Variants in SYNDIG1 observed in about 807,000 individuals in gnomAD.
SYNDIG1 encodes the protein synapse differentiation inducing 1.
SYNDIG1 carries 9 observed loss-of-function variants against 19.4 expected under a neutral mutation model. The ratio of observed to expected loss-of-function variants is 0.46; its 90% CI spans 0.28 to 0.81. SYNDIG1 has a LOEUF of 0.81. SYNDIG1 is among the 30% of genes least tolerant of loss of function. The pLI, the probability that SYNDIG1 is intolerant of heterozygous loss-of-function variation, is 0.12. For missense variants in SYNDIG1, 311 were observed against 343.3 expected (o/e 0.91, Z 0.74); for synonymous variants, 141 against 145.9 (o/e 0.97, Z 0.24).
At chr20:24,578,198 T>C (rs2058260796) in intron 2 of SYNDIG1, among the ~76,000 whole-genome samples, 1 of 152,070 alleles carries the variant, frequency 6.6e-6, no homozygotes, top group African/African-American at 2.4e-5. Context: ...ATGCCAGCAC[T>C]TTGGGAGACC....
At chr20:24,650,623 T>C (rs2059461408) in intron 3 of SYNDIG1, among the ~76,000 whole-genome samples, 1 of 152,234 alleles carries the variant, frequency 6.6e-6, no homozygotes, top group Non-Finnish European at 1.5e-5. Context: ...GGTCTCAGAA[T>C]TCAGAGCACC....
intron 1 of SYNDIG1, among the ~76,000 whole-genome samples, chr20:24,516,302 C>G (rs1456240145): frequency 6.6e-6 from 1 of 152,170 alleles, no homozygotes; most frequent in Non-Finnish European, 1.5e-5. Flanking sequence ...ACACCAAAAG[C>G]AATGGCAACA....
chr20:24,499,249 T>C (rs769583233), intron 1 of SYNDIG1, among the ~76,000 whole-genome samples: 1 of 152,206 alleles, frequency 6.6e-6, no homozygotes, highest in African/African-American at 2.4e-5. Context: ...GGTCTCGAAC[T>C]CCTAACCTCA....
At chr20:24,534,492 G>A (rs934744385) in intron 1 of SYNDIG1, among the ~76,000 whole-genome samples, 1 of 152,196 alleles carries the variant, frequency 6.6e-6, no homozygotes, top group Non-Finnish European at 1.5e-5. Flanking sequence ...CCAGTGTGCT[G>A]GGCAGGGATT....
intron 2 of SYNDIG1, among the ~76,000 whole-genome samples, chr20:24,582,872 GCAGGAGGGGCGAGGC>G (rs2058353641): frequency 6.6e-6 from 1 of 152,230 alleles, no homozygotes; most frequent in Non-Finnish European, 1.5e-5. Flanking sequence ...CCTGTGCCCA[GCAGGAGGGGCGAGGC>G]CAGGAGCTGG....
chr20:24,558,092 G>C (rs1489248948), intron 2 of SYNDIG1, among the ~76,000 whole-genome samples: 2 of 152,198 alleles, frequency 1.3e-5, no homozygotes, highest in Non-Finnish European at 2.9e-5. Context: ...AAGCAATCGT[G>C]ATGAATGAGG....
At chr20:24,567,306 G>A (rs1008049626) in intron 2 of SYNDIG1, among the ~76,000 whole-genome samples, 9 of 152,046 alleles carry the variant, frequency 5.9e-5, no homozygotes, top group African/African-American at 9.7e-5. Flanking sequence ...GCTCCACATC[G>A]GTGCACACTC....
At chr20:24,653,747 G>C (rs968482550) in intron 3 of SYNDIG1, among the ~76,000 whole-genome samples, 1 of 152,168 alleles carries the variant, frequency 6.6e-6, no homozygotes, top group Non-Finnish European at 1.5e-5. Context: ...AACTCTGTCA[G>C]CTCTGGAGGC....
intron 3 of SYNDIG1, among the ~76,000 whole-genome samples, chr20:24,621,048 T>G (rs1435907700): frequency 6.6e-6 from 1 of 152,214 alleles, no homozygotes; most frequent in African/African-American, 2.4e-5. Flanking sequence ...GAATCTTCAG[T>G]GGGCAAAGTA....
At chr20:24,502,898 G>A (rs2056489506) in intron 1 of SYNDIG1, among the ~76,000 whole-genome samples, 1 of 152,230 alleles carries the variant, frequency 6.6e-6, no homozygotes, top group Non-Finnish European at 1.5e-5. Flanking sequence ...GCTGACGTGG[G>A]AGTTTTGTCT....
intron 3 of SYNDIG1, among the ~76,000 whole-genome samples, chr20:24,596,599 G>A (rs567425819): frequency 3.3e-5 from 5 of 152,144 alleles, no homozygotes; most frequent in African/African-American, 4.8e-5. Context: ...GGCTAGCCTC[G>A]AACTCCTGAC....
chr20:24,646,434 G>A (rs756008349), intron 3 of SYNDIG1, among the ~76,000 whole-genome samples: 32 of 152,092 alleles, frequency 2.1e-4, no homozygotes, highest in Admixed American at 3.9e-4. Context: ...GATGAATTCC[G>A]TCCCTTGGGT....
At chr20:24,525,451 A>T (rs1290441690) in intron 1 of SYNDIG1, among the ~76,000 whole-genome samples, 4 of 151,872 alleles carry the variant, frequency 2.6e-5, no homozygotes, top group African/African-American at 9.7e-5. Context: ...TGCCTGGCTG[A>T]TTTTTTATTT....
chr20:24,550,992 G>A (rs1402278254), intron 2 of SYNDIG1, among the ~76,000 whole-genome samples: 3 of 152,126 alleles, frequency 2.0e-5, no homozygotes, highest in African/African-American at 7.2e-5. Context: ...CATCTTTTCT[G>A]GGCTCTAGTA....
At chr20:24,659,334 G>C (rs2059561471) in intron 3 of SYNDIG1, among the ~76,000 whole-genome samples, 1 of 152,228 alleles carries the variant, frequency 6.6e-6, no homozygotes, top group Non-Finnish European at 1.5e-5. Flanking sequence ...TGTTTCTGGA[G>C]AGCATGAGTT....
intron 3 of SYNDIG1, among the ~76,000 whole-genome samples, chr20:24,633,967 T>C (rs945896708): frequency 1.3e-5 from 2 of 152,232 alleles, no homozygotes; most frequent in African/African-American, 4.8e-5. Context: ...GTTCCCTTCG[T>C]TATCAGCAGA....
chr20:24,606,497 T>A (rs1257475289), intron 3 of SYNDIG1, among the ~76,000 whole-genome samples: 1 of 152,272 alleles, frequency 6.6e-6, no homozygotes, highest in Non-Finnish European at 1.5e-5. Context: ...GAATTGCACT[T>A]TAAGGTAAAA....
At chr20:24,653,892 A>G (rs1316557251) in intron 3 of SYNDIG1, among the ~76,000 whole-genome samples, 1 of 151,952 alleles carries the variant, frequency 6.6e-6, no homozygotes, top group East Asian at 1.9e-4. Flanking sequence ...TAAGGACACC[A>G]CTCATGTCAG....
intron 3 of SYNDIG1, among the ~76,000 whole-genome samples, chr20:24,591,594 A>G (rs2058512637): frequency 6.6e-6 from 1 of 152,130 alleles, no homozygotes; most frequent in Non-Finnish European, 1.5e-5. Flanking sequence ...AATGAAAATG[A>G]CCCAAAAGAG....
Sources: gnomAD v4.1 joint callset for allele counts (sites outside exome capture counted in the v4.1 genomes callset) on GRCh38, gnomAD v4.1.1 for gene constraint, MANE v1.5 for transcripts, NCBI Gene and HGNC (gene_info 2026-07-23, HGNC 2026-07-21) for gene names.